The following SNX10 variants were observed in gnomAD, a reference collection of about 807,000 sequenced individuals.
SNX10 encodes the protein sorting nexin 10, also known as sorting nexin-10.
Under a neutral mutation model 28.5 loss-of-function variants are expected in SNX10, and 25 were observed. The observed-to-expected ratio is 0.88, with a 90% CI of 0.64 to 1.22. SNX10 has a LOEUF of 1.22. Among genes scored for constraint, SNX10 ranks in the 50% most tolerant of loss-of-function variants. SNX10 has a pLI of 0.00. For synonymous variants in SNX10, 62 were observed against 81.4 expected, an observed-to-expected ratio of 0.76 and a Z score of 1.28; for missense variants, 223 against 242.6, an observed-to-expected ratio of 0.92 and a Z score of 0.54.
At position 26,350,901 on chromosome 7, in the gene SNX10, T is replaced by C. The variant is rs575454215; in HGVS notation, c.24+4435T>C. 2.0e-5 allele frequency among the ~76,000 whole-genome samples: 3 copies of C among 152,312 alleles called. No individual in the cohort carries two copies. In the East Asian group the frequency reaches 5.8e-4, roughly 29 times the overall value. ...AGTGTTACAGGTACTGTGAGGACTC[T>C]GATATTTTTTTCTGAGCTTGTCCCA... On this transcript the variant is annotated intron_variant, in intron 2 of 6. Coordinates refer to ENST00000338523, the MANE Select transcript of SNX10 (RefSeq NM_013322.3).
chr7:26,329,393 G>A (rs898817996), intron 1 of SNX10, among the ~76,000 whole-genome samples: 1 of 152,140 alleles, frequency 6.6e-6, no homozygotes, highest in African/African-American at 2.4e-5. Flanking sequence ...CCTCTGAGAA[G>A]CCTTCCCTGA....
intron 1 of SNX10, among the ~76,000 whole-genome samples, chr7:26,299,958 C>T (rs1397628535): frequency 1.3e-5 from 2 of 151,992 alleles, no homozygotes; most frequent in Non-Finnish European, 2.9e-5. Flanking sequence ...CGCCTGTAAT[C>T]CCAGCACTTT....
chr7:26,306,071 A>AT (rs35809560), intron 1 of SNX10, among the ~76,000 whole-genome samples: 9,797 of 142,108 alleles, frequency 0.069, 353 homozygotes, highest in Non-Finnish European at 0.076. Flanking sequence ...AATTTTTTGT[A>AT]TTTTTTTTTT....
intron 1 of SNX10, among the ~76,000 whole-genome samples, chr7:26,324,553 G>C (rs1206600280): frequency 3.9e-5 from 6 of 152,010 alleles, no homozygotes. Flanking sequence ...TAGAGATGAG[G>C]CCTCACTATG....
chr7:26,365,077 G>A lies in SNX10; in HGVS notation c.243G>A (p.Leu81=). ...VQLPELPSKN[L]FFNMNNRQHV... The stretch of plus-strand genomic sequence containing the variant: ...TGCCAGAACTTCCATCTAAAAACCT[G>A]TTTTTCAACATGAACAATCGCCAGC... Residue 81 remains leucine (L), a synonymous_variant, in exon 5 of 7, where the codon CTG becomes CTA. Transcript: ENST00000338523. 6.2e-7 allele frequency: 1 copy of A among 1,612,738 alleles called. No homozygotes were observed. The highest frequency in any genetic ancestry group is 8.5e-7 in the Non-Finnish European group (1 of 1,178,784).
At chr7:26,305,932 T>A (rs1343234184) in intron 1 of SNX10, among the ~76,000 whole-genome samples, 1 of 152,216 alleles carries the variant, frequency 6.6e-6, no homozygotes, top group East Asian at 1.9e-4. Flanking sequence ...TCTCTCTCTG[T>A]CGCCCAAGCT....
Position 26,361,059 on chromosome 7 carries a change from C to T in SNX10, c.109C>T (p.His37Tyr). Residue 37 changes from histidine (H) to tyrosine (Y), a missense_variant and splice_region_variant, in exon 3 of 7, where the codon CAT becomes TAT. By Grantham distance (83) the His-to-Tyr change is moderately conservative. Coordinates refer to ENST00000338523, the MANE Select transcript of SNX10 (RefSeq NM_013322.3). Reference sequence around the variant, plus strand: ...TTACATTGACTATGAGATATGTATTCATGTAAGTATGTAGTCAGTAGAAAT... The same window carrying T: ...TTACATTGACTATGAGATATGTATTTATGTAAGTATGTAGTCAGTAGAAAT... ...HSYIDYEICI[H>Y]TNSMCFTMKT... The T allele has an allele frequency of 1.9e-6, 3 of 1,596,460 alleles. No homozygotes were observed. The highest frequency in any genetic ancestry group is 1.7e-6 in the Non-Finnish European group (2 of 1,166,548).
intron 1 of SNX10, among the ~76,000 whole-genome samples, chr7:26,321,399 C>T (rs1182321785): frequency 6.6e-6 from 1 of 152,218 alleles, no homozygotes; most frequent in East Asian, 1.9e-4. Context: ...TTTCCCACTC[C>T]CCAAGTGCAT....
At chr7:26,303,641 T>C (rs1786463559) in intron 1 of SNX10, among the ~76,000 whole-genome samples, 1 of 152,222 alleles carries the variant, frequency 6.6e-6, no homozygotes, top group East Asian at 1.9e-4. Context: ...GGGCCTGTTC[T>C]GAGCCCTCTT....
chr7:26,322,304 T>C (rs963657817), intron 1 of SNX10, among the ~76,000 whole-genome samples: 14 of 152,212 alleles, frequency 9.2e-5, no homozygotes, highest in Admixed American at 2.6e-4. Context: ...TTTTTGCTCT[T>C]TATATGAAAG....
intron 1 of SNX10, among the ~76,000 whole-genome samples, chr7:26,294,707 G>A (rs544126270): frequency 6.6e-6 from 1 of 152,190 alleles, no homozygotes; most frequent in Non-Finnish European, 1.5e-5. Context: ...TCTGTTATAA[G>A]CTAATAGTTA....
intron 1 of SNX10, among the ~76,000 whole-genome samples, chr7:26,338,855 C>G (rs1487492554): frequency 6.6e-6 from 1 of 152,180 alleles, no homozygotes; most frequent in Non-Finnish European, 1.5e-5. Flanking sequence ...CTGCTTGAGC[C>G]AGATTACCAC....
At chr7:26,323,815 A>G (rs1375931245) in intron 1 of SNX10, among the ~76,000 whole-genome samples, 1 of 152,162 alleles carries the variant, frequency 6.6e-6, no homozygotes, top group Non-Finnish European at 1.5e-5. Context: ...AAAGTTGGTG[A>G]TGAGATTTAG....
intron 1 of SNX10, among the ~76,000 whole-genome samples, chr7:26,325,854 A>T (rs1382375158): frequency 2.6e-5 from 4 of 151,410 alleles, no homozygotes; most frequent in African/African-American, 7.3e-5. Flanking sequence ...CAGCCTCCCG[A>T]GTAGCTGATA....
intron 1 of SNX10, among the ~76,000 whole-genome samples, chr7:26,315,603 G>T (rs1201383737): frequency 3.3e-5 from 5 of 151,970 alleles, no homozygotes; most frequent in Non-Finnish European, 7.4e-5. Flanking sequence ...AGGAGGCGGA[G>T]GTTGCAGTGA....
chr7:26,348,902 C>T (rs990769486), intron 2 of SNX10, among the ~76,000 whole-genome samples: 1 of 152,210 alleles, frequency 6.6e-6, no homozygotes, highest in African/African-American at 2.4e-5. Context: ...ACTGTGTTGA[C>T]TGGCTAACTT....
At chr7:26,353,397 G>C (rs1788683144) in intron 2 of SNX10, among the ~76,000 whole-genome samples, 1 of 149,844 alleles carries the variant, frequency 6.7e-6, no homozygotes, top group African/African-American at 2.5e-5. Flanking sequence ...TTATATGGGG[G>C]TCCTGAATAG....
chr7:26,361,051 T>C lies in SNX10; in HGVS notation c.101T>C (p.Ile34Thr). ...DFWHSYIDYE[I>T]CIHTNSMCFT... ...TGGCATTCTTACATTGACTATGAGA[T>C]ATGTATTCATGTAAGTATGTAGTCA... The change falls in exon 3 of 7, where the codon ATA (isoleucine) becomes ACA (threonine). Residue 34 changes from isoleucine (I) to threonine (T), a missense_variant. Transcript: ENST00000338523. 1.2e-6 allele frequency: 2 copies of C among 1,600,802 alleles called. No individual in the cohort carries two copies. The highest frequency in any genetic ancestry group is 1.7e-6 in the Non-Finnish European group (2 of 1,169,090).
Position 26,296,321 on chromosome 7 carries a change from G to A in SNX10, c.-24+4235G>A, listed in dbSNP as rs118011740. Reference sequence around the variant, plus strand: ...TAATTTTAGTGACTGAGGAGGCTGAGGTGGGAGGATTGCTTGAGGTCAAGA... The same window carrying A: ...TAATTTTAGTGACTGAGGAGGCTGAAGTGGGAGGATTGCTTGAGGTCAAGA... On this transcript the variant is annotated intron_variant, in intron 1 of 6. Transcript: ENST00000338523. 4.5e-3 allele frequency among the ~76,000 whole-genome samples: 691 copies of A among 152,204 alleles called. 13 individuals are homozygous for A. The East Asian group carries it at 0.064, about 14-fold the overall frequency.
Sources: allele counts gnomAD v4.1 joint callset (sites outside exome capture counted in the v4.1 genomes callset), GRCh38; gene constraint gnomAD v4.1.1; transcripts MANE v1.5; gene names NCBI Gene and HGNC (gene_info 2026-07-23, HGNC 2026-07-21).